The following ATP10B variants were observed in gnomAD, a reference collection of about 807,000 sequenced individuals.
ATP10B encodes the protein ATPase phospholipid transporting 10B (putative).
ATP10B carries 122 observed loss-of-function variants against 141.2 expected under a neutral mutation model. The observed-to-expected ratio is 0.86, with a 90% CI of 0.75 to 1.00. ATP10B has a LOEUF of 1.00. Ranked by LOEUF, ATP10B falls within the 50% of genes least tolerant of loss-of-function variation. The probability of loss-of-function intolerance (pLI) is 0.00; values close to 1 mark genes in which losing one functional copy is unlikely to be tolerated. For synonymous variants in ATP10B, 685 were observed against 692.0 expected, an observed-to-expected ratio of 0.99 and a Z score of 0.16; for missense variants, 1,876 against 1,825.3, an observed-to-expected ratio of 1.03 and a Z score of -0.51.
intron 1 of ATP10B, among the ~76,000 whole-genome samples, chr5:160,823,653 G>C (rs1024640351): frequency 6.6e-6 from 1 of 152,106 alleles, no homozygotes; most frequent in Non-Finnish European, 1.5e-5. Flanking sequence ...TCAGGAGATC[G>C]AGACCATCCT....
At chr5:160,904,951 ACTGAGGC>A in the ATP10B span, among the ~76,000 whole-genome samples, 1 of 152,198 alleles carries the variant, frequency 6.6e-6, no homozygotes, top group South Asian at 2.1e-4. Flanking sequence ...AAATGGGGAG[ACTGAGGC>A]CCAAAGAGAG....
At chr5:160,689,279 T>A (rs982730221) in intron 3 of ATP10B, among the ~76,000 whole-genome samples, 1 of 152,134 alleles carries the variant, frequency 6.6e-6, no homozygotes, top group Non-Finnish European at 1.5e-5. Context: ...TCATACTGAA[T>A]GGAAAAAGCT....
intron 2 of ATP10B, among the ~76,000 whole-genome samples, chr5:160,723,957 A>T (rs896173975): frequency 6.6e-5 from 10 of 152,240 alleles, no homozygotes; most frequent in African/African-American, 2.4e-4. Context: ...GCCACAAAAA[A>T]GAATAATATT....
chr5:160,577,358 G>GGT (rs1446034238), intron 24 of ATP10B, among the ~76,000 whole-genome samples: 2 of 152,030 alleles, frequency 1.3e-5, no homozygotes, highest in African/African-American at 4.8e-5. Context: ...GGAAGGAAAA[G>GGT]GTGGGACAAA....
At chr5:160,658,932 A>C (rs983409612) in intron 7 of ATP10B, among the ~76,000 whole-genome samples, 7 of 152,328 alleles carry the variant, frequency 4.6e-5, no homozygotes, top group Admixed American at 2.6e-4. Flanking sequence ...TGTCACATGT[A>C]ACCAAGAGTC....
the ATP10B span, among the ~76,000 whole-genome samples, chr5:160,905,547 A>T: frequency 1.3e-5 from 2 of 152,184 alleles, no homozygotes; most frequent in Non-Finnish European, 2.9e-5. Context: ...TGTATGTGAC[A>T]TATTTTATAA....
intron 1 of ATP10B, among the ~76,000 whole-genome samples, chr5:160,811,217 C>G (rs1169400236): frequency 6.6e-6 from 1 of 152,150 alleles, no homozygotes; most frequent in Non-Finnish European, 1.5e-5. Flanking sequence ...CACTCTGAAA[C>G]TTGTTGGCTT....
At chr5:160,924,317 G>T in the ATP10B span, among the ~76,000 whole-genome samples, 3 of 152,212 alleles carry the variant, frequency 2.0e-5, no homozygotes, top group Non-Finnish European at 4.4e-5. Flanking sequence ...TCAGCTGGGT[G>T]CCCCTGGGCC....
At chr5:160,876,710 C>T in the ATP10B span, among the ~76,000 whole-genome samples, 1 of 151,830 alleles carries the variant, frequency 6.6e-6, no homozygotes, top group Non-Finnish European at 1.5e-5. Flanking sequence ...GATATCACCA[C>T]CAATCCCACA....
At chr5:160,864,412 G>T in the ATP10B span, among the ~76,000 whole-genome samples, 15 of 151,852 alleles carry the variant, frequency 9.9e-5, no homozygotes, top group Non-Finnish European at 2.2e-4. Context: ...AACATAATTG[G>T]CATAGAAGGG....
intron 1 of ATP10B, among the ~76,000 whole-genome samples, chr5:160,814,851 T>A (rs1195669578): frequency 3.4e-4 from 52 of 152,170 alleles, no homozygotes; most frequent in Non-Finnish European, 2.9e-4. Context: ...AAAGAAAAGA[T>A]TTTTTAACCC....
At chr5:160,779,599 C>T (rs951412234) in intron 2 of ATP10B, among the ~76,000 whole-genome samples, 5 of 152,128 alleles carry the variant, frequency 3.3e-5, no homozygotes, top group Admixed American at 1.3e-4. Flanking sequence ...GGATCCTTCC[C>T]CAGTTGAGCC....
At chr5:160,926,912 T>C in the ATP10B span, among the ~76,000 whole-genome samples, 1 of 152,260 alleles carries the variant, frequency 6.6e-6, no homozygotes, top group Non-Finnish European at 1.5e-5. Flanking sequence ...CCCCATTGCT[T>C]GTGGAGCTGT....
chr5:160,821,193 A>C (rs1377161348), intron 1 of ATP10B, among the ~76,000 whole-genome samples: 1 of 152,170 alleles, frequency 6.6e-6, no homozygotes, highest in African/African-American at 2.4e-5. Context: ...AACATACAAT[A>C]ATCAGTAGCA....
chr5:160,687,602 T>G (rs955911951), intron 5 of ATP10B, among the ~76,000 whole-genome samples, 198 bp downstream of exon 5: 1 of 151,948 alleles, frequency 6.6e-6, no homozygotes, highest in South Asian at 2.1e-4. Flanking sequence ...CATATCTACA[T>G]AAAAGTACAA....
intron 3 of ATP10B, among the ~76,000 whole-genome samples, chr5:160,690,897 A>G (rs1764035449): frequency 6.6e-6 from 1 of 152,232 alleles, no homozygotes; most frequent in African/African-American, 2.4e-5. Context: ...CTACAAAGAC[A>G]CATGCACACG....
the ATP10B span, among the ~76,000 whole-genome samples, chr5:160,903,190 G>A: frequency 6.6e-6 from 1 of 152,132 alleles, no homozygotes; most frequent in Non-Finnish European, 1.5e-5. Context: ...CGTGCTTAGG[G>A]CTATGTATAG....
At chr5:160,621,047 G>A in intron 14 of ATP10B, 97 bp from the exon 15 acceptor site, 12 of 1,419,774 alleles carry the variant, frequency 8.5e-6, no homozygotes, top group Non-Finnish European at 1.1e-5. Flanking sequence ...TGCAATAAGT[G>A]AAGCCAGATA....
intron 7 of ATP10B, among the ~76,000 whole-genome samples, chr5:160,649,965 C>T (rs1760590681): frequency 6.6e-6 from 1 of 151,750 alleles, no homozygotes; most frequent in Non-Finnish European, 1.5e-5. Flanking sequence ...AAAAATTAGC[C>T]AGGCATGGTG....
Sources: allele counts gnomAD v4.1 joint callset (sites outside exome capture counted in the v4.1 genomes callset), GRCh38; gene constraint gnomAD v4.1.1; transcripts MANE v1.5; gene names NCBI Gene and HGNC (gene_info 2026-07-23, HGNC 2026-07-21).